The following INPP4A variants were observed in gnomAD, a reference collection of about 807,000 sequenced individuals.
The protein encoded by INPP4A is inositol polyphosphate-4-phosphatase, type I, 107kD.
In INPP4A, 33 loss-of-function variants were observed where a neutral mutation model predicts 119.8. The observed-to-expected ratio is 0.28, with a 90% CI of 0.21 to 0.37. The LOEUF (loss-of-function observed/expected upper bound fraction) is 0.37, where lower values mean the gene tolerates loss of function less well. INPP4A is among the 10% of genes least tolerant of loss of function. The pLI is 1.00. For missense variants in INPP4A, 956 were observed against 1,289.9 expected (o/e 0.74, Z 3.97); for synonymous variants, 496 against 500.7 (o/e 0.99, Z 0.12).
In INPP4A at chr2:98,546,293, G is replaced by A. The variant is rs541049536; in HGVS notation, c.1054+220G>A. 9.8e-5 allele frequency among the ~76,000 whole-genome samples: 15 copies of A among 152,350 alleles called. No individual in the cohort carries two copies. The highest frequency in any genetic ancestry group is 3.4e-4 in the African/African-American group (14 of 41,582). On this transcript the variant is annotated intron_variant, in intron 12 of 24. Coordinates refer to ENST00000409851, the MANE Select transcript of INPP4A (RefSeq NM_001134225.2). The surrounding 1 kb of genome is among the most constrained non-coding windows in gnomAD (Gnocchi z 4.2). Reference sequence around the variant, plus strand: ...AGCTTCCCTTTGTATTTCTGCAGTAGAAAGTTGCCTGTCGGCCCTTCTTCC... The same window carrying A: ...AGCTTCCCTTTGTATTTCTGCAGTAAAAAGTTGCCTGTCGGCCCTTCTTCC...
intron 1 of INPP4A, among the ~76,000 whole-genome samples, chr2:98,517,916 C>T (rs1475222991): frequency 1.3e-5 from 2 of 152,180 alleles, no homozygotes; most frequent in Non-Finnish European, 2.9e-5. Context: ...CCCAGGTCCT[C>T]CAGCAATGTG....
chr2:98,568,746 C>A, intron 22 of INPP4A, 78 bp downstream of exon 22: 1 of 802,798 alleles, frequency 1.2e-6, no homozygotes, highest in Non-Finnish European at 2.2e-6. Context: ...CTGGCTTGCC[C>A]TGCCTCTGTG....
chr2:98,497,629 C>A (rs759983173), intron 1 of INPP4A, among the ~76,000 whole-genome samples: 4 of 152,186 alleles, frequency 2.6e-5, no homozygotes, highest in Non-Finnish European at 5.9e-5. Flanking sequence ...GTTTGAGTTC[C>A]TTGTATGTTT....
intron 1 of INPP4A, among the ~76,000 whole-genome samples, chr2:98,491,026 A>C (rs1558936009): frequency 6.6e-6 from 1 of 152,250 alleles, no homozygotes; most frequent in Non-Finnish European, 1.5e-5. Flanking sequence ...TTAAATGTTG[A>C]CAGAGAAAAA....
chr2:98,554,604 G>C lies in INPP4A; in HGVS notation c.1566+115G>C. The stretch of plus-strand genomic sequence containing the variant: ...CTCAAGGTTCAACTGCTGTGAACAA[G>C]CTCCAGGTTTCCTTCCTGGATGGCT... On this transcript the variant is annotated intron_variant, in intron 15 of 24. Transcript: ENST00000409851. This position sits in a 1 kb window ranked among gnomAD's most constrained non-coding sequence, Gnocchi z 4.7. 1.1e-6 allele frequency: 1 copy of C among 891,398 alleles called. No homozygotes were observed. The highest frequency in any genetic ancestry group is 1.7e-5 in the South Asian group (1 of 59,702). 55.2% of individuals were successfully genotyped at this position (891,398 alleles called of 1,614,324 possible).
intron 10 of INPP4A, among the ~76,000 whole-genome samples, chr2:98,542,992 T>C (rs1172790271): frequency 6.6e-6 from 1 of 151,926 alleles, no homozygotes; most frequent in African/African-American, 2.4e-5. Flanking sequence ...CGATCCTGGC[T>C]CACTGCAAGC....
chr2:98,503,401 C>T (rs1422793974), intron 1 of INPP4A, among the ~76,000 whole-genome samples: 1 of 152,250 alleles, frequency 6.6e-6, no homozygotes, highest in African/African-American at 2.4e-5. Flanking sequence ...CCTTGATACA[C>T]AAGACTTTCC....
At chr2:98,485,586 T>A (rs1012351988) in intron 1 of INPP4A, among the ~76,000 whole-genome samples, 1 of 152,202 alleles carries the variant, frequency 6.6e-6, no homozygotes, top group African/African-American at 2.4e-5. Flanking sequence ...GGGCTCACTC[T>A]CGCTTCGGGA....
chr2:98,526,391 G>A (rs1042109900), intron 4 of INPP4A, among the ~76,000 whole-genome samples: 1 of 152,174 alleles, frequency 6.6e-6, no homozygotes, highest in Non-Finnish European at 1.5e-5. Flanking sequence ...GAAGGTTCAT[G>A]AAGATACATG....
At chr2:98,523,992 A>G (rs576671862) in intron 4 of INPP4A, among the ~76,000 whole-genome samples, 1 of 152,250 alleles carries the variant, frequency 6.6e-6, no homozygotes, top group East Asian at 1.9e-4. Context: ...CATGTGGCAA[A>G]ATACCTTTTT....
intron 1 of INPP4A, among the ~76,000 whole-genome samples, chr2:98,484,220 T>C (rs1679078391): frequency 6.6e-6 from 1 of 152,124 alleles, no homozygotes; most frequent in Non-Finnish European, 1.5e-5. Context: ...GAGTCTGTTG[T>C]TACTGAGCCG....
At chr2:98,493,200 G>A (rs1458832950) in intron 1 of INPP4A, among the ~76,000 whole-genome samples, 1 of 152,004 alleles carries the variant, frequency 6.6e-6, no homozygotes, top group Non-Finnish European at 1.5e-5. Context: ...TGAGCCCTGT[G>A]TTTTTTGGAA....
intron 1 of INPP4A, among the ~76,000 whole-genome samples, chr2:98,448,526 G>C (rs1694662056): frequency 6.6e-6 from 1 of 152,012 alleles, no homozygotes; most frequent in African/African-American, 2.4e-5. Context: ...CCTTTAATCT[G>C]AAAGTTACCA....
intron 1 of INPP4A, among the ~76,000 whole-genome samples, chr2:98,490,720 C>G (rs1208894514): frequency 1.3e-5 from 2 of 152,204 alleles, no homozygotes; most frequent in Non-Finnish European, 2.9e-5. Flanking sequence ...CTGTGTGACG[C>G]CTGGGCCTCC....
chr2:98,468,189 T>A (rs1675187012), intron 1 of INPP4A, among the ~76,000 whole-genome samples: 1 of 152,210 alleles, frequency 6.6e-6, no homozygotes. Context: ...GAAAGTGAGA[T>A]CCTTAGATAT....
At chr2:98,478,233 C>T (rs192943793) in intron 1 of INPP4A, among the ~76,000 whole-genome samples, 186 of 152,208 alleles carry the variant, frequency 1.2e-3, no homozygotes, top group Admixed American at 2.7e-3. Context: ...ACAGTGTCCT[C>T]CCTCCCACCC....
At chr2:98,515,456 C>T (rs539798493) in intron 1 of INPP4A, among the ~76,000 whole-genome samples, 96 of 67,922 alleles carry the variant, frequency 1.4e-3, no homozygotes, top group African/African-American at 4.9e-3. Context: ...TGGGGTAGGA[C>T]GGGATCCGGT....
intron 22 of INPP4A, chr2:98,572,075 C>G (rs1013871484): frequency 6.6e-6 from 1 of 152,460 alleles, no homozygotes; most frequent in Non-Finnish European, 1.5e-5. Context: ...GGTTTGGCTT[C>G]GGGGATTCCG....
At chr2:98,577,960 G>T (rs1253385855) in intron 24 of INPP4A, among the ~76,000 whole-genome samples, 1 of 152,178 alleles carries the variant, frequency 6.6e-6, no homozygotes, top group Non-Finnish European at 1.5e-5. Context: ...ATTATTTAAA[G>T]TGTTCAATTC....
Sources: allele counts gnomAD v4.1 joint callset (sites outside exome capture counted in the v4.1 genomes callset), GRCh38; gene constraint gnomAD v4.1.1; non-coding constraint Gnocchi (gnomAD v3.1); transcripts MANE v1.5; gene names NCBI Gene and HGNC (gene_info 2026-07-23, HGNC 2026-07-21).